The following WDR7 variants were observed in gnomAD, a reference collection of about 807,000 sequenced individuals.
WDR7 encodes the protein WD repeat-containing protein 7.
In WDR7, 46 loss-of-function variants were observed where a neutral mutation model predicts 169.4. The ratio of observed to expected loss-of-function variants is 0.27; its 90% confidence interval spans 0.21 to 0.35. The LOEUF is 0.35. Among genes scored for constraint, WDR7 ranks in the 10% least tolerant of loss-of-function variants. The pLI is 1.00. For synonymous variants in WDR7, 612 were observed against 666.8 expected, an observed-to-expected ratio of 0.92 and a Z score of 1.27; for missense variants, 1,534 against 1,859.3, an observed-to-expected ratio of 0.83 and a Z score of 3.22.
chr18:56,918,358 T>G (rs538302731), intron 21 of WDR7, among the ~76,000 whole-genome samples: 1 of 152,314 alleles, frequency 6.6e-6, no homozygotes, highest in East Asian at 1.9e-4. Context: ...TCTTACTGTT[T>G]GTGTTACTTA....
chr18:56,983,959 G>A (rs981554790), intron 26 of WDR7, among the ~76,000 whole-genome samples: 1 of 151,682 alleles, frequency 6.6e-6, no homozygotes, highest in African/African-American at 2.4e-5. Flanking sequence ...TGTAACAATA[G>A]AAACATATTA....
intron 20 of WDR7, among the ~76,000 whole-genome samples, chr18:56,855,244 C>A (rs75450808): frequency 3.3e-5 from 4 of 119,884 alleles, no homozygotes; most frequent in South Asian, 2.8e-4. Context: ...GTTTTTTTTT[C>A]CCCCCATTGG....
chr18:56,773,296 T>C (rs1305486879), intron 16 of WDR7, among the ~76,000 whole-genome samples: 6 of 152,158 alleles, frequency 3.9e-5, no homozygotes, highest in Non-Finnish European at 8.8e-5. Flanking sequence ...ACAGTCTTTA[T>C]GATTACTACA....
intron 14 of WDR7, among the ~76,000 whole-genome samples, chr18:56,732,238 G>C (rs2026602497): frequency 1.3e-5 from 2 of 152,010 alleles, no homozygotes; most frequent in South Asian, 4.1e-4. Flanking sequence ...GTAGAGTCTA[G>C]CCACTGTTTG....
chr18:56,683,471 T>C (rs905709200), intron 5 of WDR7, among the ~76,000 whole-genome samples: 4 of 152,200 alleles, frequency 2.6e-5, no homozygotes, highest in African/African-American at 9.7e-5. Flanking sequence ...AGCATTCTTT[T>C]ACTTTCAAAT....
intron 1 of WDR7, among the ~76,000 whole-genome samples, chr18:56,666,791 G>C (rs1314635939): frequency 6.6e-6 from 1 of 151,890 alleles, no homozygotes; most frequent in Non-Finnish European, 1.5e-5. Flanking sequence ...TTTGATGTGT[G>C]ATCTTGAGAG....
downstream of WDR7, chr18:57,030,809 C>G (rs1444597496): frequency 2.0e-5 from 3 of 148,582 alleles, no homozygotes; most frequent in Non-Finnish European, 1.5e-5. Context: ...TCAATACATA[C>G]AAATACCAAA....
At chr18:56,944,355 C>T (rs374534036) in intron 25 of WDR7, among the ~76,000 whole-genome samples, 3 of 152,188 alleles carry the variant, frequency 2.0e-5, no homozygotes, top group South Asian at 2.1e-4. Flanking sequence ...AAAACTTTAA[C>T]GTGGTAATTT....
intron 12 of WDR7, among the ~76,000 whole-genome samples, chr18:56,709,084 G>T (rs1029846739): frequency 6.6e-6 from 1 of 152,160 alleles, no homozygotes; most frequent in African/African-American, 2.4e-5. Context: ...GAAAAATAAA[G>T]TAAGTTCAGT....
At chr18:56,904,180 C>T (rs552646983) in intron 21 of WDR7, among the ~76,000 whole-genome samples, 130 of 152,004 alleles carry the variant, frequency 8.6e-4, no homozygotes, top group Middle Eastern at 3.4e-3. Flanking sequence ...AGTGATTCTC[C>T]TGCCTCAGCC....
At position 56,757,044 on chromosome 18, in the gene WDR7, T is replaced by C; in HGVS notation, c.2451T>C (p.Asp817=). The part of the protein sequence containing the change: ...LHAWGLNEVL[D]EVCLDRLGML... ...CCTGGGGTTTGAATGAAGTACTGGATGAAGTTTGCCTGGATCGCCTTGGAA... is the reference window on the plus strand; with the variant it reads ...CCTGGGGTTTGAATGAAGTACTGGACGAAGTTTGCCTGGATCGCCTTGGAA... Residue 817 remains aspartate, a synonymous_variant, in exon 15 of 28, where the codon GAT becomes GAC. Coordinates refer to ENST00000254442, the MANE Select transcript of WDR7 (RefSeq NM_015285.3). The C allele has an allele frequency of 6.2e-7, 1 of 1,614,194 alleles. No individual in the cohort carries two copies. The highest frequency in any genetic ancestry group is 8.5e-7 in the Non-Finnish European group (1 of 1,180,026).
rs757226273 is a variant in WDR7, at chr18:56,924,005, C to T, written c.3610C>T (p.Leu1204=). 2.5e-6 allele frequency: 4 copies of T among 1,612,272 alleles called. No individual in the cohort carries two copies. Among genetic ancestry groups the T allele is most frequent in the Non-Finnish European group, 3.4e-6 (4 of 1,179,402 alleles). Residue 1204 remains leucine, a synonymous_variant, in exon 22 of 28, where the codon CTG becomes TTG. Transcript: ENST00000254442. ...CACTATCCGAAGAACAGCCATTGATCTGATTGGACGTGGGTTCACTGTTTG... is the reference window on the plus strand; with the variant it reads ...CACTATCCGAAGAACAGCCATTGATTTGATTGGACGTGGGTTCACTGTTTG... ...HSTIRRTAID[L]IGRGFTVWEP... is the part of the protein sequence containing the mutation.
Position 56,672,522 on chromosome 18 carries a change from G to C in WDR7, c.7G>C (p.Gly3Arg). The change falls in exon 2 of 28, where the codon GGA becomes CGA. Residue 3 changes from glycine (G) to arginine (R), a missense_variant. Transcript: ENST00000254442. ...GTTTGAAAACACAAACACAATGGCA[G>C]GAAACAGCCTTGTTCTACCCATTGT... MA[G>R]NSLVLPIVLW... 2 of 1,555,638 alleles carry C rather than the reference G, an allele frequency of 1.3e-6. No individual in the cohort carries two copies.
chr18:56,705,984 G>A (rs2025943150), intron 12 of WDR7, among the ~76,000 whole-genome samples: 1 of 152,098 alleles, frequency 6.6e-6, no homozygotes, highest in South Asian at 2.1e-4. Flanking sequence ...GGCGACAGAG[G>A]GAGATGCCGT....
intron 9 of WDR7, among the ~76,000 whole-genome samples, chr18:56,693,573 G>GTT (rs1254201598): frequency 7.3e-5 from 4 of 54,436 alleles, no homozygotes; most frequent in African/African-American, 2.5e-4. Flanking sequence ...TTTTTTTTTT[G>GTT]TTTTTTTTTT....
rs118016245 is a variant in WDR7, at chr18:56,771,108, G to A, written c.2849-5674G>A. ...AACTCTGCAGTGACTTTTTAGGATA[G>A]GAATTTGTTTATGAAATGCAGTGTC... On this transcript the variant is annotated intron_variant, in intron 16 of 27. Coordinates refer to ENST00000254442, the MANE Select transcript of WDR7 (RefSeq NM_015285.3). 6.3e-3 allele frequency among the ~76,000 whole-genome samples: 964 copies of A among 152,272 alleles called. 4 individuals are homozygous for A. Among genetic ancestry groups the A allele is most frequent in the Non-Finnish European group, 0.011 (762 of 68,016 alleles).
intron 21 of WDR7, among the ~76,000 whole-genome samples, chr18:56,886,773 A>G (rs915655434): frequency 6.6e-6 from 1 of 152,318 alleles, no homozygotes; most frequent in South Asian, 2.1e-4. Flanking sequence ...GCTAAAGCGG[A>G]TATCTTTTTC....
intron 17 of WDR7, among the ~76,000 whole-genome samples, 157 bp downstream of exon 17, chr18:56,777,037 C>G (rs868351124): frequency 1.3e-5 from 2 of 152,154 alleles, no homozygotes; most frequent in Non-Finnish European, 2.9e-5. Flanking sequence ...ATGACAAGAA[C>G]CAGTTTTAAA....
At chr18:56,837,695 T>C (rs1032926160) in intron 20 of WDR7, among the ~76,000 whole-genome samples, 3 of 152,224 alleles carry the variant, frequency 2.0e-5, no homozygotes, top group Admixed American at 6.5e-5. Flanking sequence ...GTTTCGCTTT[T>C]GTCGCCCAGG....
Sources: gnomAD v4.1 joint callset for allele counts (sites outside exome capture counted in the v4.1 genomes callset) on GRCh38, gnomAD v4.1.1 for gene constraint, MANE v1.5 for transcripts, NCBI Gene and HGNC (gene_info 2026-07-23, HGNC 2026-07-21) for gene names.